Variants in SNTG2 observed in about 807,000 individuals in gnomAD.
SNTG2 encodes the protein gamma-2-syntrophin.
Under a neutral mutation model 70.9 loss-of-function variants are expected in SNTG2, and 74 were observed. The observed-to-expected ratio is 1.04, with a 90% CI of 0.86 to 1.27. The LOEUF (loss-of-function observed/expected upper bound fraction) is 1.27, where lower values mean the gene tolerates loss of function less well. SNTG2 is among the 50% of genes most tolerant of loss of function. The pLI is 0.00. For synonymous variants in SNTG2, 278 were observed against 273.8 expected (o/e 1.02, Z -0.15); for missense variants, 717 against 690.7 (o/e 1.04, Z -0.43).
intron 16 of SNTG2, among the ~76,000 whole-genome samples, chr2:1,334,267 T>C (rs1303651389): frequency 1.3e-5 from 2 of 152,218 alleles, no homozygotes; most frequent in South Asian, 2.1e-4. Context: ...CCTGCAAGAA[T>C]GGCCATAATC....
rs746036171 is a variant in SNTG2, at chr2:1,353,807, T to G, written c.1489-13536T>G. ...CAGTTTGTGCACTGAGACGGAAAAA[T>G]GGACCGTGCCGTAAGGAGGTGTGAT... On this transcript the variant is annotated intron_variant, in intron 16 of 16. Transcript: ENST00000308624. The surrounding 1 kb of genome is among the most constrained non-coding windows in gnomAD (Gnocchi z 4.2). The G allele has an allele frequency of 2.0e-5, 3 of 152,118 alleles. No individual in the cohort carries two copies. Among genetic ancestry groups the G allele is most frequent in the Non-Finnish European group, 4.4e-5 (3 of 68,018 alleles). The allele number at this position is 152,118 out of a possible 1,614,324, so 9.4% of individuals were successfully genotyped here.
intron 1 of SNTG2, among the ~76,000 whole-genome samples, chr2:1,017,524 T>G (rs762902245): frequency 6.6e-6 from 1 of 151,160 alleles, no homozygotes; most frequent in Non-Finnish European, 1.5e-5. Flanking sequence ...ACACCCAGAA[T>G]ATATGCATAT....
chr2:1,153,691 A>G (rs528256966), intron 6 of SNTG2, among the ~76,000 whole-genome samples: 2 of 152,358 alleles, frequency 1.3e-5, no homozygotes, highest in African/African-American at 4.8e-5. Flanking sequence ...TCCAAAGACA[A>G]GTGGATAATA....
intron 4 of SNTG2, among the ~76,000 whole-genome samples, chr2:1,113,943 T>TTGA: frequency 6.6e-6 from 1 of 151,666 alleles, no homozygotes; most frequent in African/African-American, 2.4e-5. Flanking sequence ...GGATCGTGTT[T>TTGA]CCTAAGTGAA....
chr2:1,290,589 C>T (rs567893867), intron 14 of SNTG2, among the ~76,000 whole-genome samples: 37 of 152,280 alleles, frequency 2.4e-4, no homozygotes, highest in African/African-American at 8.7e-4. Flanking sequence ...GCTGGGATTA[C>T]AGGTGTGAGC....
rs1665274846 is a variant in SNTG2 at position 1,094,828 on chromosome 2, C to T, written c.211-3368C>T. ...GGCAAAGGCCTTATAGGTGTGTCCT[C>T]ATGTGGTAGAGTTACTGGCAAGGGC... On this transcript the variant is annotated intron_variant, in intron 2 of 16. Transcript: ENST00000308624. 2.5e-5 allele frequency among the ~76,000 whole-genome samples: 2 copies of T among 79,952 alleles called. 1 individual carries two copies. The highest frequency in any genetic ancestry group is 4.6e-5 in the Non-Finnish European group (2 of 43,230). 52.5% of individuals were successfully genotyped at this position (79,952 alleles called of 152,430 possible).
At chr2:1,133,750 G>A (rs917451432) in intron 4 of SNTG2, among the ~76,000 whole-genome samples, 1 of 152,138 alleles carries the variant, frequency 6.6e-6, no homozygotes, top group Non-Finnish European at 1.5e-5. Context: ...ACATTTCACA[G>A]ATTTAGTTGG....
chr2:1,221,261 A>G (rs1165164410), intron 9 of SNTG2, among the ~76,000 whole-genome samples: 1 of 18,930 alleles, frequency 5.3e-5, no homozygotes, highest in African/African-American at 2.2e-4. Context: ...TGTCTCTCAG[A>G]GGTCTGTCTC....
chr2:1,001,151 C>T (rs894109915), intron 1 of SNTG2, among the ~76,000 whole-genome samples: 2 of 151,996 alleles, frequency 1.3e-5, no homozygotes, highest in African/African-American at 4.8e-5. Flanking sequence ...GAGAAATGCA[C>T]AGTCAACATC....
intron 4 of SNTG2, among the ~76,000 whole-genome samples, chr2:1,098,655 T>G (rs1665555812): frequency 6.6e-6 from 1 of 152,316 alleles, no homozygotes; most frequent in East Asian, 1.9e-4. Context: ...AGGTATCAGG[T>G]TATCCCCCCT....
intron 15 of SNTG2, among the ~76,000 whole-genome samples, chr2:1,314,977 A>G (rs1199129855): frequency 2.0e-5 from 3 of 152,300 alleles, no homozygotes; most frequent in African/African-American, 7.2e-5. Context: ...ACAATTCAAG[A>G]TGAGATTTGG....
intron 6 of SNTG2, chr2:1,160,625 G>A (rs992480287): frequency 2.6e-5 from 4 of 152,214 alleles, no homozygotes; most frequent in Non-Finnish European, 4.4e-5. Context: ...ACATGTCGAA[G>A]CCCTAACCCC....
At chr2:1,356,286 C>T (rs1036935221) in intron 16 of SNTG2, among the ~76,000 whole-genome samples, 2 of 152,138 alleles carry the variant, frequency 1.3e-5, no homozygotes, top group African/African-American at 2.4e-5. Context: ...GAATCTTTTC[C>T]ACTGTTTTCT....
intron 1 of SNTG2, among the ~76,000 whole-genome samples, chr2:1,074,067 A>G (rs970409488): frequency 6.6e-6 from 1 of 152,222 alleles, no homozygotes; most frequent in Non-Finnish European, 1.5e-5. Context: ...CCGCCCAGAT[A>G]GGTTCCCAGA....
chr2:1,018,331 G>A (rs1057033114), intron 1 of SNTG2, among the ~76,000 whole-genome samples: 2 of 152,176 alleles, frequency 1.3e-5, no homozygotes, highest in African/African-American at 4.8e-5. Context: ...GGTGGTCAGA[G>A]GGTGTCTTCA....
rs150448074 is a variant in SNTG2, at chr2:1,321,868, T to TCCTCCCTCCTTCCTTGCCTC, written c.1488+5508_1488+5509insGCCTCCCTCCCTCCTTCCTT. On this transcript the variant is annotated intron_variant, in intron 16 of 16. Coordinates refer to ENST00000308624, the MANE Select transcript of SNTG2 (RefSeq NM_018968.4). Reference sequence around the variant, plus strand: ...AAAACAAAAGCAAAGCCTTCTTTCTTCCTCCCTCCTTCCTTCCTTCCTTTC... The same window carrying TCCTCCCTCCTTCCTTGCCTC: ...AAAACAAAAGCAAAGCCTTCTTTCTTCCTCCCTCCTTCCTTGCCTCCCTCCCTCCTTCCTTCCTTCCTTTC... Among the ~76,000 whole-genome samples the TCCTCCCTCCTTCCTTGCCTC allele has an allele frequency of 6.7e-3, 987 of 146,956 alleles. 6 individuals carry two copies. The highest frequency in any genetic ancestry group is 0.023 in the African/African-American group (931 of 40,816).
intron 2 of SNTG2, among the ~76,000 whole-genome samples, chr2:1,088,810 T>G (rs1664839105): frequency 2.0e-5 from 3 of 152,230 alleles, no homozygotes; most frequent in East Asian, 1.9e-4. Flanking sequence ...ACTACACTTC[T>G]GTAAGGCATC....
At chr2:1,029,974 G>A (rs556324271) in intron 1 of SNTG2, among the ~76,000 whole-genome samples, 93 of 152,258 alleles carry the variant, frequency 6.1e-4, no homozygotes, top group African/African-American at 2.1e-3. Context: ...TCGCTAAATA[G>A]AAGCTGTTGA....
rs979184564 is a variant in SNTG2 at position 1,097,906 on chromosome 2, C to G, written c.211-290C>G. ...GACCCCTCGTTTCTTCATGGAGCTCCGTTCCTCACAAGCAGAATGCAGACG... is the reference window on the plus strand; with the variant it reads ...GACCCCTCGTTTCTTCATGGAGCTCGGTTCCTCACAAGCAGAATGCAGACG... On this transcript the variant is annotated intron_variant, in intron 2 of 16. Coordinates refer to ENST00000308624, the MANE Select transcript of SNTG2 (RefSeq NM_018968.4). The surrounding 1 kb of genome is among the most constrained non-coding windows in gnomAD (Gnocchi z 4.1). Among the ~76,000 whole-genome samples, 1 of 151,642 alleles carries G rather than the reference C, an allele frequency of 6.6e-6. No individual in the cohort carries two copies. Among genetic ancestry groups the G allele is most frequent in the East Asian group, 2.0e-4 (1 of 5,064 alleles).
Sources: allele counts gnomAD v4.1 joint callset (sites outside exome capture counted in the v4.1 genomes callset), GRCh38; gene constraint gnomAD v4.1.1; non-coding constraint Gnocchi (gnomAD v3.1); transcripts MANE v1.5; gene names NCBI Gene and HGNC (gene_info 2026-07-23, HGNC 2026-07-21).